The following AKT1S1 variants were observed in gnomAD, a reference collection of about 807,000 sequenced individuals.
AKT1S1 encodes the protein proline-rich AKT1 substrate 1.
Under a neutral mutation model 21.2 loss-of-function variants are expected in AKT1S1, and 17 were observed. The observed-to-expected ratio is 0.80, with a 90% CI of 0.55 to 1.20. AKT1S1 has a LOEUF of 1.20. Ranked by LOEUF, AKT1S1 falls within the 50% of genes most tolerant of loss-of-function variation. The pLI is 0.00. For synonymous variants in AKT1S1, 181 were observed against 165.6 expected (o/e 1.09, Z -0.72); for missense variants, 366 against 368.3 (o/e 0.99, Z 0.05).
At chr19:49,877,958 C>T (rs1394148164), upstream of AKT1S1, 1 of 718,760 alleles carries the variant, frequency 1.4e-6, no homozygotes, top group Non-Finnish European at 2.3e-6. Flanking sequence ...TTGAGCCCTG[C>T]CCCCTGTGGA....
At chr19:49,876,537 C>T in intron 1 of AKT1S1, 1 of 1,461,282 alleles carries the variant, frequency 6.8e-7, no homozygotes, top group Non-Finnish European at 9.1e-7. Flanking sequence ...GCCCTCCCAG[C>T]GCCCCGCTGC....
upstream of AKT1S1, chr19:49,877,717 G>A (rs374711579): frequency 4.4e-6 from 7 of 1,600,216 alleles, no homozygotes; most frequent in African/African-American, 9.4e-5. Context: ...GGCCTTCGGC[G>A]GCGACTATGG....
In AKT1S1 at chr19:49,869,562, T is replaced by C. The variant is rs372384074; in HGVS notation, c.*355A>G. On this transcript the variant is annotated 3_prime_UTR_variant, in exon 5 of 5. Coordinates refer to ENST00000344175, the MANE Select transcript of AKT1S1 (RefSeq NM_001098633.4). ...ATCAAAAAAAGAGCTGTCCAGCGACTAGGGGATGGAGCCAATGCCGTGCGA... is the reference window on the plus strand; with the variant it reads ...ATCAAAAAAAGAGCTGTCCAGCGACCAGGGGATGGAGCCAATGCCGTGCGA... 1 of 199,078 alleles carries C rather than the reference T, an allele frequency of 5.0e-6. No homozygotes were observed. Among genetic ancestry groups the C allele is most frequent in the African/African-American group, 2.3e-5 (1 of 43,242 alleles). The allele number at this position is 199,078 out of a possible 1,614,324, so 12.3% of individuals were successfully genotyped here.
rs148446205 is a variant in AKT1S1 at position 49,873,943 on chromosome 19, A to T, written c.-7-641T>A. On this transcript the variant is annotated intron_variant, in intron 1 of 4. Coordinates refer to ENST00000344175, the MANE Select transcript of AKT1S1 (RefSeq NM_001098633.4). The surrounding 1 kb of genome is among the most constrained non-coding windows in gnomAD (Gnocchi z 6.9). ...TGCTCCGTCGCCCAGCCATCCCGTC[A>T]AGAGTGTCCTGCACAAGGCCCAGGG... is the stretch of plus-strand genomic sequence containing the variant. 1.3e-5 allele frequency: 2 copies of T among 152,400 alleles called. No individual in the cohort carries two copies. The highest frequency in any genetic ancestry group is 3.9e-4 in the East Asian group (2 of 5,188). The allele number at this position is 152,400 out of a possible 1,614,324, so 9.4% of individuals were successfully genotyped here. A position where few individuals can be genotyped will look rare whatever the true frequency, so the allele number is the denominator to read the frequency against.
At chr19:49,870,938 G>A (rs539088021) in intron 4 of AKT1S1, among the ~76,000 whole-genome samples, 6 of 152,194 alleles carry the variant, frequency 3.9e-5, no homozygotes, top group African/African-American at 1.2e-4. Flanking sequence ...TGAGGCTTGA[G>A]GGGGGGACTG....
Position 49,870,021 on chromosome 19 carries a change from G to A in AKT1S1, c.667C>T (p.Arg223Cys). The A allele has an allele frequency of 1.3e-6, 2 of 1,550,868 alleles. No individual in the cohort carries two copies. The highest frequency in any genetic ancestry group is 8.7e-7 in the Non-Finnish European group (1 of 1,145,342). The change falls in exon 5 of 5, where the codon CGC becomes TGC. Residue 223 changes from arginine (R) to cysteine (C), a missense_variant. Transcript: ENST00000344175. ...TCGGCCTCTCGCAGCACCAGCGCGCGCATGCTCGCCGCGATGCGGTCCAGG... is the reference window on the plus strand; with the variant it reads ...TCGGCCTCTCGCAGCACCAGCGCGCACATGCTCGCCGCGATGCGGTCCAGG... ...PDLDRIAASM[R>C]ALVLREAEDT... is the part of the protein sequence containing the mutation.
chr19:49,876,673 C>G (rs970160370), intron 1 of AKT1S1: 1 of 1,475,580 alleles, frequency 6.8e-7, no homozygotes, highest in South Asian at 1.3e-5. Context: ...CCTTGCGTCA[C>G]GTCCGCGCAG....
rs528121686 is a variant in AKT1S1, at chr19:49,872,955, T to C, written c.341A>G (p.Glu114Gly). 4.2e-5 allele frequency: 67 copies of C among 1,603,974 alleles called. No individual in the cohort carries two copies. The South Asian group carries it at 6.6e-4, about 16-fold the overall frequency. ...AATGCCCAGCTGCTCCCCGGAGGTC[T>C]CTGTCTCTGTGGGCTCATCCTCGTC... ...EEDEDEPTETETSGEQLGISD... is the reference protein window; with the variant it reads ...EEDEDEPTETGTSGEQLGISD... The change falls in exon 2 of 5, where the codon GAG (glutamate) becomes GGG (glycine). Residue 114 changes from glutamate to glycine, a missense_variant. By Grantham distance (98) the Glu-to-Gly change is moderately conservative (BLOSUM62 -2). Coordinates refer to ENST00000344175, the MANE Select transcript of AKT1S1 (RefSeq NM_001098633.4).
In AKT1S1 at chr19:49,869,668, G is replaced by A; in HGVS notation, c.*249C>T. 2.4e-6 allele frequency: 1 copy of A among 416,520 alleles called. No individual in the cohort carries two copies. The allele number at this position is 416,520 out of a possible 1,614,324, so 25.8% of individuals were successfully genotyped here. Reference sequence around the variant, plus strand: ...AACTCAGCGAGCCAATCCCTTAATAGAAGGAATCTGTCGCTAGGCGGAGAG... The same window carrying A: ...AACTCAGCGAGCCAATCCCTTAATAAAAGGAATCTGTCGCTAGGCGGAGAG... On this transcript the variant is annotated 3_prime_UTR_variant, in exon 5 of 5. Transcript: ENST00000344175.
upstream of AKT1S1, chr19:49,878,280 C>CGGGATGCAGGCGGTCT (rs751940103): frequency 8.5e-5 from 131 of 1,535,964 alleles, no homozygotes; most frequent in Admixed American, 2.0e-4. Flanking sequence ...CCGCTCCGAG[C>CGGGATGCAGGCGGTCT]GGGATGCAGG....
chr19:49,874,998 G>A (rs1002073449), intron 1 of AKT1S1: 2 of 152,264 alleles, frequency 1.3e-5, no homozygotes, highest in African/African-American at 4.8e-5. Flanking sequence ...AAAGCCCCAA[G>A]GGAAGGAAGA....
Position 49,873,020 on chromosome 19 carries a change from GCTGGGTGTGGGA to G in AKT1S1, c.264_275del (p.Thr90_Pro93del). 6.4e-7 allele frequency: 1 copy of G among 1,566,748 alleles called. No individual in the cohort carries two copies. The highest frequency in any genetic ancestry group is 1.7e-4 in the Middle Eastern group (1 of 5,892). ...CTCTGGCCAGGGTAGGCCGGGGTGG[GCTGGGTGTGGGA>G]CTGGGTGGCTGTGGTGCTGGTGGGG... On this transcript the variant is annotated inframe_deletion, in exon 2 of 5. Coordinates refer to ENST00000344175, the MANE Select transcript of AKT1S1 (RefSeq NM_001098633.4). This position sits in a 1 kb window ranked among gnomAD's most constrained non-coding sequence, Gnocchi z 6.9.
upstream of AKT1S1, chr19:49,877,636 G>A: frequency 6.8e-7 from 1 of 1,476,716 alleles, no homozygotes; most frequent in East Asian, 2.4e-5. Flanking sequence ...CCACTGTCCG[G>A]CCCGGAGGGG....
upstream of AKT1S1, chr19:49,877,700 G>A (rs1316712220): frequency 3.8e-6 from 6 of 1,599,802 alleles, no homozygotes; most frequent in Admixed American, 1.7e-5. Context: ...AGGAGGCGGG[G>A]CAGTGGGGCC....
At chr19:49,870,141 G>A in intron 4 of AKT1S1, 81 bp from the exon 5 acceptor site, 1 of 1,326,882 alleles carries the variant, frequency 7.5e-7, no homozygotes, top group South Asian at 1.9e-5. Context: ...GGTGCACCCG[G>A]GCTCCAAGCC....
chr19:49,871,593 T>G lies in AKT1S1; in HGVS notation c.581A>C (p.Lys194Thr). The G allele has an allele frequency of 2.5e-6, 4 of 1,614,060 alleles. No individual in the cohort carries two copies. Among genetic ancestry groups the G allele is most frequent in the Non-Finnish European group, 1.7e-6 (2 of 1,180,004 alleles). ...TGACCGCGCCTCTGTCCTCTTCTCC[T>G]TGAAGCCCCAGACGGGCACAGACAC... The part of the protein sequence containing the change: ...LPVSVPVWGF[K>T]EKRTEARSSD... Residue 194 changes from lysine to threonine, a missense_variant, in exon 4 of 5, where the codon AAG becomes ACG. Lys to Thr is a moderately conservative substitution (Grantham distance 78). Transcript: ENST00000344175.
At chr19:49,871,778 T>C (rs2290774) in intron 3 of AKT1S1, 34 bp downstream of exon 3, 727,905 of 1,609,566 alleles carry the variant, frequency 0.45, 168,753 homozygotes, top group African/African-American at 0.68. Context: ...GTGCCTGCCC[T>C]CAGGTCGGGA....
Position 49,869,821 on chromosome 19 carries a change from T to G in AKT1S1, c.*96A>C. The G allele has an allele frequency of 1.6e-6, 2 of 1,261,824 alleles. No individual in the cohort carries two copies. The highest frequency in any genetic ancestry group is 2.1e-6 in the Non-Finnish European group (2 of 972,274). The allele number at this position is 1,261,824 out of a possible 1,614,324, so 78.2% of individuals were successfully genotyped here. The stretch of plus-strand genomic sequence containing the variant: ...GGAATGGGAGACGCAAGGAGGCCGG[T>G]CCCGGATCGGCCTCAGATTAGCAGG... On this transcript the variant is annotated 3_prime_UTR_variant, in exon 5 of 5. Coordinates refer to ENST00000344175, the MANE Select transcript of AKT1S1 (RefSeq NM_001098633.4).
At chr19:49,877,831 G>T (rs2074969192), upstream of AKT1S1, 2 of 1,464,742 alleles carry the variant, frequency 1.4e-6, no homozygotes, top group Non-Finnish European at 1.9e-6. Flanking sequence ...CTTGGCTCTC[G>T]AGAATCCGGC....
Sources: gnomAD v4.1 joint callset for allele counts (sites outside exome capture counted in the v4.1 genomes callset) on GRCh38, gnomAD v4.1.1 for gene constraint, Gnocchi (gnomAD v3.1) non-coding constraint, MANE v1.5 for transcripts, NCBI Gene and HGNC (gene_info 2026-07-23, HGNC 2026-07-21) for gene names.